WWOX: variants seen among roughly 807,000 people sequenced by gnomAD.
WWOX encodes WW domain containing oxidoreductase.
In WWOX, 69 loss-of-function variants were observed where a neutral mutation model predicts 46.2. The observed-to-expected ratio is 1.49, with a 90% CI of 1.23 to 1.82. The LOEUF (loss-of-function observed/expected upper bound fraction) is 1.82. WWOX is among the 40% of genes most tolerant of loss of function. The pLI, the probability that WWOX is intolerant of heterozygous loss-of-function variation, is 0.00. For missense variants in WWOX, 919 were observed against 542.6 expected, an observed-to-expected ratio of 1.69 and a Z score of -6.89; for synonymous variants, 359 against 202.6, an observed-to-expected ratio of 1.77 and a Z score of -6.56.
chr16:78,714,310 G>C (rs975787216), intron 8 of WWOX, among the ~76,000 whole-genome samples: 2 of 152,010 alleles, frequency 1.3e-5, no homozygotes, highest in Non-Finnish European at 2.9e-5. Context: ...GAAGGCAAAG[G>C]AGGAGCAAAG....
In WWOX at chr16:78,590,139, G is replaced by A. The variant is rs190432340; in HGVS notation, c.1056+157387G>A. Among the ~76,000 whole-genome samples, 128 of 48,926 alleles carry A rather than the reference G, an allele frequency of 2.6e-3. 5 individuals are homozygous for A. In the East Asian group the frequency reaches 0.053, roughly 20 times the overall value. The allele number at this position is 48,926 out of a possible 152,430, so 32.1% of individuals were successfully genotyped here. A position where few individuals can be genotyped will look rare whatever the true frequency, so the allele number is the denominator to read the frequency against. On this transcript the variant is annotated intron_variant, in intron 8 of 8. Transcript: ENST00000566780. Reference sequence around the variant, plus strand: ...GCTTGCCATGTCTGATAGATATTAGGCATTCAGTCTCTCTCTCTCTCTCTG... The same window carrying A: ...GCTTGCCATGTCTGATAGATATTAGACATTCAGTCTCTCTCTCTCTCTCTG...
At chr16:78,537,569 A>G (rs1048445803) in intron 8 of WWOX, among the ~76,000 whole-genome samples, 11 of 152,108 alleles carry the variant, frequency 7.2e-5, no homozygotes, top group South Asian at 2.1e-4. Context: ...ATACTAAACC[A>G]TATTGTTTGC....
At chr16:78,345,479 A>C (rs2081078612) in intron 5 of WWOX, among the ~76,000 whole-genome samples, 1 of 63,872 alleles carries the variant, frequency 1.6e-5, no homozygotes, top group African/African-American at 7.2e-5. Flanking sequence ...AAAAAAAAAA[A>C]AAAAAAAAAA....
chr16:78,479,861 A>G (rs2084445267), intron 8 of WWOX, among the ~76,000 whole-genome samples: 1 of 152,156 alleles, frequency 6.6e-6, no homozygotes, highest in Admixed American at 6.5e-5. Flanking sequence ...GCCTCCAATA[A>G]TGTTGACCCA....
At chr16:78,542,018 C>CAAAAAAAAAAAAAAAAAAAAA in intron 8 of WWOX, among the ~76,000 whole-genome samples, 1 of 40,638 alleles carries the variant, frequency 2.5e-5, no homozygotes, top group East Asian at 1.0e-3. Flanking sequence ...CAGAGTATAC[C>CAAAAAAAAAAAAAAAAAAAAA]AAAAAAAAAA....
intron 8 of WWOX, among the ~76,000 whole-genome samples, chr16:78,913,478 A>G (rs141340308): frequency 0.012 from 1,813 of 152,030 alleles, 44 homozygotes; most frequent in South Asian, 0.028. Context: ...GTGAACAAGC[A>G]TGATGATGTT....
intron 8 of WWOX, among the ~76,000 whole-genome samples, chr16:78,632,152 T>A (rs1410614403): frequency 6.6e-6 from 1 of 152,152 alleles, no homozygotes; most frequent in African/African-American, 2.4e-5. Flanking sequence ...AATAGCTGGG[T>A]TGAATTCCAG....
At chr16:78,192,302 C>G (rs1480002752) in intron 5 of WWOX, among the ~76,000 whole-genome samples, 1 of 152,104 alleles carries the variant, frequency 6.6e-6, no homozygotes, top group Non-Finnish European at 1.5e-5. Flanking sequence ...CGAGACCAGT[C>G]TGGCCAACAT....
intron 8 of WWOX, among the ~76,000 whole-genome samples, chr16:78,641,677 T>A (rs781215166): frequency 6.6e-6 from 1 of 152,124 alleles, no homozygotes; most frequent in African/African-American, 2.4e-5. Context: ...CCCCGCAGAT[T>A]GCCAGTGACT....
chr16:78,801,542 G>T (rs185296400), intron 8 of WWOX, among the ~76,000 whole-genome samples: 1 of 152,124 alleles, frequency 6.6e-6, no homozygotes. Context: ...TTTAGCTTCC[G>T]ATGAGGATAT....
At chr16:78,279,253 T>A (rs2079634555) in intron 5 of WWOX, among the ~76,000 whole-genome samples, 1 of 151,978 alleles carries the variant, frequency 6.6e-6, no homozygotes, top group African/African-American at 2.4e-5. Flanking sequence ...TATTTAAGAG[T>A]CTTGAAAAGA....
At chr16:78,910,476 T>A (rs565627950) in intron 8 of WWOX, among the ~76,000 whole-genome samples, 1 of 150,998 alleles carries the variant, frequency 6.6e-6, no homozygotes, top group East Asian at 2.0e-4. Flanking sequence ...GTGTGGTGTT[T>A]CATGTTAGCA....
chr16:78,131,678 T>A (rs1319137363), intron 4 of WWOX, among the ~76,000 whole-genome samples: 2 of 151,018 alleles, frequency 1.3e-5, no homozygotes, highest in Non-Finnish European at 1.5e-5. Context: ...ACGTCCCAGG[T>A]TCAAGCGATT....
intron 5 of WWOX, among the ~76,000 whole-genome samples, chr16:78,221,724 C>T (rs1474295755): frequency 6.6e-6 from 1 of 152,106 alleles, no homozygotes; most frequent in African/African-American, 2.4e-5. Flanking sequence ...CACAGATTGC[C>T]TTGGAGTGAT....
intron 8 of WWOX, among the ~76,000 whole-genome samples, chr16:78,574,359 C>T (rs903129480): frequency 2.0e-5 from 3 of 152,192 alleles, no homozygotes; most frequent in Non-Finnish European, 4.4e-5. Context: ...GTGTGAATAC[C>T]AGGTGGTAGG....
intron 8 of WWOX, among the ~76,000 whole-genome samples, chr16:78,474,626 G>A (rs2084312617): frequency 6.6e-6 from 1 of 152,002 alleles, no homozygotes; most frequent in Non-Finnish European, 1.5e-5. Flanking sequence ...CATTTAAAGT[G>A]TACAATTCAA....
rs116221089 is a variant in WWOX at position 78,502,822 on chromosome 16, C to T, written c.1056+70070C>T. 6.6e-3 allele frequency among the ~76,000 whole-genome samples: 1,011 copies of T among 152,266 alleles called. 3 individuals carry two copies. Among genetic ancestry groups the T allele is most frequent in the African/African-American group, 0.016 (655 of 41,544 alleles). ...GGATACGTTGGTGATTTTTTTCATG[C>T]TCTACTTACAGTATGACTCGTAACT... On this transcript the variant is annotated intron_variant, in intron 8 of 8. Transcript: ENST00000566780.
At chr16:79,123,145 A>G (rs1455717787) in intron 8 of WWOX, among the ~76,000 whole-genome samples, 1 of 152,130 alleles carries the variant, frequency 6.6e-6, no homozygotes, top group Non-Finnish European at 1.5e-5. Context: ...GTAGGGAAGC[A>G]ACAGAGTACC....
At chr16:79,129,359 G>C (rs2049828418) in intron 8 of WWOX, among the ~76,000 whole-genome samples, 1 of 148,680 alleles carries the variant, frequency 6.7e-6, no homozygotes, top group African/African-American at 2.5e-5. Flanking sequence ...ACCTCTCAGT[G>C]CCTTAAAATT....
Sources: allele counts gnomAD v4.1 joint callset (sites outside exome capture counted in the v4.1 genomes callset), GRCh38; gene constraint gnomAD v4.1.1; transcripts MANE v1.5; gene names NCBI Gene and HGNC (gene_info 2026-07-23, HGNC 2026-07-21).